Variants in CALN1 observed in about 807,000 individuals in gnomAD.
CALN1 encodes calneuron 1.
A neutral mutation model predicts 30.6 loss-of-function variants in CALN1; 17 were observed. The observed-to-expected ratio is 0.56, with a 90% CI of 0.38 to 0.83. CALN1 has a LOEUF of 0.83. Among genes scored for constraint, CALN1 ranks in the 40% least tolerant of loss-of-function variants. The pLI is 0.00. For synonymous variants in CALN1, 156 were observed against 131.4 expected (o/e 1.19, Z -1.28); for missense variants, 291 against 354.9 (o/e 0.82, Z 1.45).
At chr7:72,406,806 G>A (rs376681688) in intron 1 of CALN1, among the ~76,000 whole-genome samples, 19 of 151,850 alleles carry the variant, frequency 1.3e-4, no homozygotes, top group African/African-American at 4.3e-4. Flanking sequence ...TAGTAGAGAC[G>A]GGTTTCACCA....
intron 5 of CALN1, among the ~76,000 whole-genome samples, chr7:71,836,391 A>G (rs977051632): frequency 1.1e-4 from 17 of 152,276 alleles, no homozygotes; most frequent in African/African-American, 3.1e-4. Flanking sequence ...GTCAGGTCCA[A>G]TGAATAAAAG....
intron 2 of CALN1, among the ~76,000 whole-genome samples, chr7:72,331,456 T>C (rs114026681): frequency 0.014 from 2,082 of 152,226 alleles, 60 homozygotes; most frequent in African/African-American, 0.047. Flanking sequence ...CCCAAAACTA[T>C]GCCAATCAGA....
chr7:72,394,091 T>C (rs147570332), intron 2 of CALN1, among the ~76,000 whole-genome samples: 52 of 152,264 alleles, frequency 3.4e-4, no homozygotes, highest in African/African-American at 1.2e-3. Context: ...CTAAGATCAT[T>C]GGTAATATGT....
intron 5 of CALN1, among the ~76,000 whole-genome samples, chr7:71,894,280 CACTT>C (rs147672808): frequency 1.3e-4 from 20 of 152,226 alleles, no homozygotes; most frequent in African/African-American, 4.6e-4. Context: ...GGCCAAGTCT[CACTT>C]ATTCCTTCTA....
At chr7:72,255,099 C>CTTTTCTTTTT (rs985659546) in intron 3 of CALN1, among the ~76,000 whole-genome samples, 2 of 151,144 alleles carry the variant, frequency 1.3e-5, no homozygotes, top group African/African-American at 4.9e-5. Flanking sequence ...CCTTTCTTTT[C>CTTTTCTTTTT]TTTTGAGACG....
chr7:72,368,843 C>T (rs1471057754), intron 2 of CALN1, among the ~76,000 whole-genome samples: 9 of 118,804 alleles, frequency 7.6e-5, no homozygotes, highest in Non-Finnish European at 1.3e-4. Flanking sequence ...GAGACAGAAT[C>T]TCACACTGTT....
chr7:72,441,667 C>T (rs951197526), intron 1 of CALN1, among the ~76,000 whole-genome samples: 20 of 149,984 alleles, frequency 1.3e-4, no homozygotes, highest in African/African-American at 3.0e-4. Context: ...GAGACGAGGA[C>T]GTAGAATGTA....
At chr7:72,352,063 G>C (rs1178204351) in intron 2 of CALN1, among the ~76,000 whole-genome samples, 1 of 152,178 alleles carries the variant, frequency 6.6e-6, no homozygotes, top group Admixed American at 6.5e-5. Flanking sequence ...CAGATCACTT[G>C]AGGTCAGGCA....
intron 2 of CALN1, among the ~76,000 whole-genome samples, chr7:72,393,750 T>C (rs868312482): frequency 3.3e-5 from 5 of 151,246 alleles, no homozygotes; most frequent in Non-Finnish European, 5.9e-5. Flanking sequence ...AGCTTTTTTT[T>C]TTTTTTTTTT....
At chr7:71,875,320 C>T (rs1584422780) in intron 5 of CALN1, among the ~76,000 whole-genome samples, 1 of 152,142 alleles carries the variant, frequency 6.6e-6, no homozygotes, top group South Asian at 2.1e-4. Context: ...TGGGTCACAC[C>T]CAAGTTTGCC....
At chr7:72,405,938 G>A (rs1489712143) in intron 1 of CALN1, among the ~76,000 whole-genome samples, 2 of 152,194 alleles carry the variant, frequency 1.3e-5, no homozygotes, top group East Asian at 1.9e-4. Context: ...ACTGTCGGGA[G>A]CTGATGGTCG....
rs372867715 is a variant in CALN1, at chr7:71,797,788, C to T, written c.659-9886G>A. 7.9e-5 allele frequency among the ~76,000 whole-genome samples: 12 copies of T among 152,234 alleles called. No individual in the cohort carries two copies. The East Asian group carries it at 1.2e-3, about 15-fold the overall frequency. On this transcript the variant is annotated intron_variant, in intron 6 of 6. Transcript: ENST00000395275. The stretch of plus-strand genomic sequence containing the variant: ...AAAATTCATCTTTTGTGGTTGGGAC[C>T]TTCACCACCACTCCATCTGGTGGAA...
intron 3 of CALN1, among the ~76,000 whole-genome samples, chr7:72,222,412 AAG>A (rs775388921): frequency 7.9e-5 from 12 of 152,128 alleles, no homozygotes; most frequent in South Asian, 2.1e-4. Flanking sequence ...AAGCAGGAGC[AAG>A]AGAGAGGGGA....
intron 3 of CALN1, among the ~76,000 whole-genome samples, chr7:72,277,224 T>C (rs564357226): frequency 2.6e-5 from 4 of 152,330 alleles, no homozygotes; most frequent in South Asian, 4.1e-4. Context: ...ATTTCTGTTT[T>C]TTATGAGCCA....
At chr7:72,205,565 T>TATATATACACATATATATATATATAC (rs1562733703) in intron 3 of CALN1, among the ~76,000 whole-genome samples, 4 of 116,770 alleles carry the variant, frequency 3.4e-5, no homozygotes, top group African/African-American at 1.1e-4. Context: ...TATATATATA[T>TATATATACACATATATATATATATAC]ATGTATATAT....
At chr7:72,026,224 A>G (rs844780) in intron 4 of CALN1, among the ~76,000 whole-genome samples, 8,356 of 152,202 alleles carry the variant, frequency 0.055, 777 homozygotes, top group African/African-American at 0.19. Context: ...TGTCCCAGAT[A>G]TAGACAGGAA....
chr7:71,985,680 C>T, intron 5 of CALN1, among the ~76,000 whole-genome samples: 1 of 148,766 alleles, frequency 6.7e-6, no homozygotes, highest in Non-Finnish European at 1.5e-5. Flanking sequence ...ACCCCTGCCT[C>T]CCAGGTTCAA....
chr7:72,372,951 G>T (rs1191946734), intron 2 of CALN1, among the ~76,000 whole-genome samples: 1 of 151,052 alleles, frequency 6.6e-6, no homozygotes, highest in Non-Finnish European at 1.5e-5. Context: ...GAATTATCTG[G>T]CAAATTATCT....
At position 72,310,871 on chromosome 7, in the gene CALN1, C is replaced by CT. The variant is rs781589944; in HGVS notation, c.120-32062dup. 4.4e-4 allele frequency among the ~76,000 whole-genome samples: 64 copies of CT among 143,998 alleles called. 1 individual carries two copies. Among genetic ancestry groups the CT allele is most frequent in the Admixed American group, 1.4e-4 (2 of 13,996 alleles). 94.5% of individuals were successfully genotyped at this position (143,998 alleles called of 152,430 possible). A position where few individuals can be genotyped will look rare whatever the true frequency, so the allele number is the denominator to read the frequency against. On this transcript the variant is annotated intron_variant, in intron 2 of 6. Coordinates refer to ENST00000395275, the MANE Select transcript of CALN1 (RefSeq NM_031468.4). Reference sequence around the variant, plus strand: ...TGAGCCGAGATCACGCCACTGCACTCTGTCGCCAGCCTGGCGACAGAGCAA... The same window carrying CT: ...TGAGCCGAGATCACGCCACTGCACTCTTGTCGCCAGCCTGGCGACAGAGCAA...
Sources: gnomAD v4.1 joint callset for allele counts (sites outside exome capture counted in the v4.1 genomes callset) on GRCh38, gnomAD v4.1.1 for gene constraint, MANE v1.5 for transcripts, NCBI Gene and HGNC (gene_info 2026-07-23, HGNC 2026-07-21) for gene names.